The following DPP10 variants were observed in gnomAD, a reference collection of about 807,000 sequenced individuals.
DPP10 encodes inactive dipeptidyl peptidase 10.
Under a neutral mutation model 120.9 loss-of-function variants are expected in DPP10, and 33 were observed. The ratio of observed to expected loss-of-function variants is 0.27; its 90% CI spans 0.21 to 0.37. DPP10 has a LOEUF of 0.37. Ranked by LOEUF, DPP10 falls within the 10% of genes least tolerant of loss-of-function variation. The pLI, the probability that DPP10 is intolerant of heterozygous loss-of-function variation, is 1.00. For missense variants in DPP10, 816 were observed against 942.8 expected, an observed-to-expected ratio of 0.87 and a Z score of 1.76; for synonymous variants, 337 against 326.1, an observed-to-expected ratio of 1.03 and a Z score of -0.36.
intron 1 of DPP10, among the ~76,000 whole-genome samples, chr2:115,255,540 G>C (rs1333142215): frequency 1.3e-5 from 2 of 152,072 alleles, no homozygotes; most frequent in Non-Finnish European, 2.9e-5. Context: ...CCAGAAAATG[G>C]GGTTTTCTTT....
chr2:114,563,471 G>A (rs971640528), intron 1 of DPP10, among the ~76,000 whole-genome samples: 4 of 152,038 alleles, frequency 2.6e-5, no homozygotes, highest in Non-Finnish European at 4.4e-5. Flanking sequence ...ATGACAGACC[G>A]AGGAATGGGC....
chr2:115,234,004 G>T, intron 1 of DPP10: 1 of 511,488 alleles, frequency 2.0e-6, no homozygotes, highest in South Asian at 1.4e-5. Flanking sequence ...TGGAGGTAGT[G>T]GGGGAAATGC....
At chr2:114,843,282 A>G (rs1451415759) in intron 1 of DPP10, among the ~76,000 whole-genome samples, 1 of 152,124 alleles carries the variant, frequency 6.6e-6, no homozygotes, top group African/African-American at 2.4e-5. Context: ...ACTTCTAAAC[A>G]AATCCCCCTA....
At chr2:114,474,626 C>T (rs1386197154) in intron 1 of DPP10, among the ~76,000 whole-genome samples, 2 of 152,144 alleles carry the variant, frequency 1.3e-5, no homozygotes, top group Admixed American at 6.5e-5. Flanking sequence ...CAGTACTGCC[C>T]TCTGACTTGG....
At position 115,405,142 on chromosome 2, in the gene DPP10, G is replaced by A. The variant is rs1051056498; in HGVS notation, c.271+61230G>A. ...TGGGACTCAAGGCAAAGTCCTTCCA[G>A]CTATAAGCCTGTAAAATAAAAAATA... On this transcript the variant is annotated intron_variant, in intron 3 of 25. Transcript: ENST00000410059. Among the ~76,000 whole-genome samples the A allele has an allele frequency of 4.6e-5, 7 of 152,134 alleles. No homozygotes were observed. In the East Asian group the frequency reaches 1.3e-3, roughly 29 times the overall value.
intron 1 of DPP10, among the ~76,000 whole-genome samples, chr2:115,030,061 G>T (rs1176589115): frequency 6.6e-6 from 1 of 152,084 alleles, no homozygotes; most frequent in Non-Finnish European, 1.5e-5. Flanking sequence ...TTTCAACAAT[G>T]AATTTCTTCA....
intron 1 of DPP10, among the ~76,000 whole-genome samples, chr2:114,557,311 G>A (rs749148266): frequency 2.0e-4 from 31 of 152,204 alleles, no homozygotes; most frequent in Non-Finnish European, 3.7e-4. Flanking sequence ...GGAAAATGTG[G>A]CTTTCCTGAC....
intron 1 of DPP10, among the ~76,000 whole-genome samples, chr2:114,600,924 A>G (rs969419326): frequency 2.0e-5 from 3 of 151,854 alleles, no homozygotes; most frequent in African/African-American, 7.2e-5. Flanking sequence ...GTTAAGAAAG[A>G]GAGGAAGAAG....
chr2:114,659,145 C>T (rs1697197105), intron 1 of DPP10, among the ~76,000 whole-genome samples: 1 of 152,092 alleles, frequency 6.6e-6, no homozygotes, highest in Non-Finnish European at 1.5e-5. Flanking sequence ...TAACTGTGAA[C>T]CAATTAAACT....
At chr2:115,265,268 CATATATAT>C (rs55778302) in intron 1 of DPP10, among the ~76,000 whole-genome samples, 2 of 142,498 alleles carry the variant, frequency 1.4e-5, no homozygotes, top group South Asian at 2.2e-4. Flanking sequence ...CTTTGGATTC[CATATATAT>C]ATATATATAT....
At chr2:115,566,769 G>A (rs1184710924) in intron 5 of DPP10, among the ~76,000 whole-genome samples, 3 of 152,102 alleles carry the variant, frequency 2.0e-5, no homozygotes, top group Non-Finnish European at 4.4e-5. Flanking sequence ...CTGTAATGAC[G>A]TGTACATACA....
intron 1 of DPP10, among the ~76,000 whole-genome samples, chr2:114,549,127 G>A (rs1200132577): frequency 6.6e-6 from 1 of 152,068 alleles, no homozygotes; most frequent in Non-Finnish European, 1.5e-5. Flanking sequence ...ATTTCCTTGT[G>A]CTTTGGGGAA....
rs1188365477 is a variant in DPP10, at chr2:115,842,265, A to G, written c.2311A>G (p.Ser771Gly). The G allele has an allele frequency of 2.5e-6, 4 of 1,614,052 alleles. No individual in the cohort carries two copies. The highest frequency in any genetic ancestry group is 2.5e-6 in the Non-Finnish European group (3 of 1,179,934). ...VSEKSKYHLY[S>G]TILKFFSDCL... ...TGAGAAGAGCAAGTATCATCTCTAC[A>G]GCACAATCCTCAAATTCTTCAGTGA... Residue 771 changes from serine (S) to glycine (G), a missense_variant, in exon 26 of 26, where the codon AGC becomes GGC. This residue lies in a region of DPP10 where 592 missense variants were observed against 649.0 expected (regional missense o/e 0.91). Transcript: ENST00000410059.
At chr2:115,775,772 G>T (rs1682025086) in intron 13 of DPP10, among the ~76,000 whole-genome samples, 1 of 151,964 alleles carries the variant, frequency 6.6e-6, no homozygotes, top group African/African-American at 2.4e-5. Flanking sequence ...ACCAATTATT[G>T]ACAAGTTGAC....
chr2:115,622,243 G>C (rs2149285330), intron 5 of DPP10, among the ~76,000 whole-genome samples: 1 of 152,006 alleles, frequency 6.6e-6, no homozygotes, highest in South Asian at 2.1e-4. Context: ...CTATATATTT[G>C]CCTCTTTGGA....
chr2:115,671,951 T>C (rs1489203434), intron 5 of DPP10, among the ~76,000 whole-genome samples: 2 of 152,170 alleles, frequency 1.3e-5, no homozygotes, highest in African/African-American at 4.8e-5. Flanking sequence ...TGTAAAACAA[T>C]ATATTTTATT....
chr2:114,552,847 A>G (rs1006202784), intron 1 of DPP10, among the ~76,000 whole-genome samples: 3 of 152,182 alleles, frequency 2.0e-5, no homozygotes, highest in East Asian at 3.9e-4. Flanking sequence ...CACCTTGCCC[A>G]TTATACATTC....
At chr2:114,556,227 G>A (rs1029740484) in intron 1 of DPP10, among the ~76,000 whole-genome samples, 150 of 56,112 alleles carry the variant, frequency 2.7e-3, no homozygotes, top group African/African-American at 0.01. Flanking sequence ...GTGATACATA[G>A]ATGATACATA....
chr2:114,955,811 A>T (rs551289195), intron 1 of DPP10, among the ~76,000 whole-genome samples: 133 of 152,342 alleles, frequency 8.7e-4, no homozygotes, highest in Middle Eastern at 3.4e-3. Context: ...TATGAATTTG[A>T]TACATTGTGT....
Sources: allele counts gnomAD v4.1 joint callset (sites outside exome capture counted in the v4.1 genomes callset), GRCh38; gene constraint gnomAD v4.1.1; regional missense constraint gnomAD v4.1.1; transcripts MANE v1.5; gene names NCBI Gene and HGNC (gene_info 2026-07-23, HGNC 2026-07-21).